Variants in TMCO4 observed in about 807,000 individuals in gnomAD.
The protein encoded by TMCO4 is transmembrane and coiled-coil domains 4.
Under a neutral mutation model 64.7 loss-of-function variants are expected in TMCO4, and 58 were observed. That is an observed-to-expected ratio of 0.90 (90% CI 0.73 to 1.12). The LOEUF (loss-of-function observed/expected upper bound fraction) is 1.12, where lower values mean the gene tolerates loss of function less well. TMCO4 is among the 50% of genes most tolerant of loss of function. The pLI is 0.00. For missense variants in TMCO4, 780 were observed against 825.9 expected, an observed-to-expected ratio of 0.94 and a Z score of 0.68; for synonymous variants, 325 against 346.1, an observed-to-expected ratio of 0.94 and a Z score of 0.68.
chr1:19,756,353 G>C (rs961672699), intron 6 of TMCO4, among the ~76,000 whole-genome samples: 10 of 152,146 alleles, frequency 6.6e-5, no homozygotes, highest in Non-Finnish European at 1.0e-4. Flanking sequence ...GATGCCCAAA[G>C]ACATTGCTGG....
intron 4 of TMCO4, among the ~76,000 whole-genome samples, chr1:19,772,190 G>T (rs1237450595): frequency 6.6e-6 from 1 of 152,094 alleles, no homozygotes; most frequent in Non-Finnish European, 1.5e-5. Context: ...CAGAGGTGGA[G>T]ATCAGTTCAG....
At chr1:19,759,423 T>C (rs1232679786) in intron 6 of TMCO4, among the ~76,000 whole-genome samples, 1 of 152,216 alleles carries the variant, frequency 6.6e-6, no homozygotes, top group Non-Finnish European at 1.5e-5. Context: ...GTTCTCTCCC[T>C]GGCTTAGAGC....
chr1:19,794,588 C>T (rs74058659), intron 2 of TMCO4, among the ~76,000 whole-genome samples: 2 of 152,176 alleles, frequency 1.3e-5, no homozygotes, highest in African/African-American at 4.8e-5. Context: ...ACAGGGGGGA[C>T]CCCTCAATAC....
At chr1:19,748,934 C>T (rs564081182) in intron 7 of TMCO4, among the ~76,000 whole-genome samples, 21 of 152,278 alleles carry the variant, frequency 1.4e-4, no homozygotes, top group African/African-American at 4.3e-4. Flanking sequence ...GTTCCCTGCC[C>T]GTTCACCTCA....
chr1:19,745,591 T>C lies in TMCO4; in HGVS notation c.818A>G (p.Glu273Gly). The part of the protein sequence containing the change: ...IEEFTFLPLT[E>G]GRQLHITIAV... ...GATGGTGATGTGCAGCTGCCTGCCC[T>C]CCGTCAGAGGCAGAAACGTGAACTC... is the stretch of plus-strand genomic sequence containing the variant. The change falls in exon 10 of 16, where the codon GAG becomes GGG. Residue 273 changes from glutamate (E) to glycine (G), a missense_variant. Transcript: ENST00000294543. 6.2e-7 allele frequency: 1 copy of C among 1,614,096 alleles called. No individual in the cohort carries two copies. The highest frequency in any genetic ancestry group is 8.5e-7 in the Non-Finnish European group (1 of 1,180,010).
At chr1:19,780,508 A>G (rs1282937157) in intron 4 of TMCO4, 72 bp downstream of exon 4, 16 of 1,505,002 alleles carry the variant, frequency 1.1e-5, no homozygotes, top group African/African-American at 1.4e-5. Context: ...CGTGCCTGGC[A>G]GGCTGTTTGG....
intron 6 of TMCO4, among the ~76,000 whole-genome samples, chr1:19,765,688 G>A (rs1047966334): frequency 2.6e-5 from 4 of 151,956 alleles, no homozygotes; most frequent in Non-Finnish European, 4.4e-5. Context: ...CGCTTCGTGG[G>A]TTGCTACTAG....
At chr1:19,689,754 G>A (rs2095177359) in intron 15 of TMCO4, among the ~76,000 whole-genome samples, 1 of 152,190 alleles carries the variant, frequency 6.6e-6, no homozygotes, top group African/African-American at 2.4e-5. Context: ...AGACTCCTGG[G>A]GTGCTGAGGC....
intron 12 of TMCO4, among the ~76,000 whole-genome samples, chr1:19,738,034 G>T (rs184289568): frequency 3.3e-5 from 5 of 152,258 alleles, no homozygotes; most frequent in Non-Finnish European, 5.9e-5. Context: ...GTAAGAAAAG[G>T]TAACTGATCA....
At position 19,745,534 on chromosome 1, in the gene TMCO4, T is replaced by C. The variant is rs2041733243; in HGVS notation, c.875A>G (p.Tyr292Cys). 6.2e-7 allele frequency: 1 copy of C among 1,613,908 alleles called. No individual in the cohort carries two copies. Among genetic ancestry groups the C allele is most frequent in the South Asian group, 1.1e-5 (1 of 91,072 alleles). ...CTTCTGGTCCTCCTGGTCCTCACGG[T>C]ATTTGCCAGAAGCGAGCCACCCCGT... ...AVTGWLASGK[Y>C]RTFSAPWAAL... Residue 292 changes from tyrosine to cysteine, a missense_variant and splice_region_variant, in exon 10 of 16, where the codon TAC becomes TGC. Coordinates refer to ENST00000294543, the MANE Select transcript of TMCO4 (RefSeq NM_181719.7).
At chr1:19,689,217 CAGG>C (rs1018634248) in intron 15 of TMCO4, among the ~76,000 whole-genome samples, 1 of 152,230 alleles carries the variant, frequency 6.6e-6, no homozygotes, top group African/African-American at 2.4e-5. Flanking sequence ...TCAAGGAAAA[CAGG>C]AGGCCAGCAC....
intron 4 of TMCO4, among the ~76,000 whole-genome samples, chr1:19,776,309 C>CT (rs2101047521): frequency 6.6e-6 from 1 of 152,350 alleles, no homozygotes. Flanking sequence ...GAAGGAAACA[C>CT]TCCACGGCAA....
chr1:19,702,603 G>C (rs2095280523), intron 13 of TMCO4, among the ~76,000 whole-genome samples: 1 of 151,662 alleles, frequency 6.6e-6, no homozygotes, highest in African/African-American at 2.4e-5. Flanking sequence ...CAAAAAGAAA[G>C]AAAATTTAGC....
intron 13 of TMCO4, among the ~76,000 whole-genome samples, chr1:19,715,838 C>T (rs1257623821): frequency 6.6e-6 from 1 of 152,216 alleles, no homozygotes; most frequent in African/African-American, 2.4e-5. Context: ...CAGAACCCTA[C>T]CCCAAGAGCT....
intron 6 of TMCO4, among the ~76,000 whole-genome samples, chr1:19,769,566 T>C (rs1335059358): frequency 6.6e-6 from 1 of 152,238 alleles, no homozygotes; most frequent in Non-Finnish European, 1.5e-5. Context: ...TGGAGGATGC[T>C]GGCAATTTCT....
At chr1:19,723,233 T>A (rs1382664960) in intron 13 of TMCO4, among the ~76,000 whole-genome samples, 1 of 152,204 alleles carries the variant, frequency 6.6e-6, no homozygotes, top group Non-Finnish European at 1.5e-5. Context: ...TTCCTCGGAG[T>A]ATCATGTTGC....
At chr1:19,752,147 T>G (rs942274405) in intron 7 of TMCO4, among the ~76,000 whole-genome samples, 1 of 152,206 alleles carries the variant, frequency 6.6e-6, no homozygotes, top group Non-Finnish European at 1.5e-5. Flanking sequence ...GTTGTCTGAT[T>G]GAATCTCAAC....
At chr1:19,795,258 G>C (rs1225084418) in intron 2 of TMCO4, among the ~76,000 whole-genome samples, 1 of 151,972 alleles carries the variant, frequency 6.6e-6, no homozygotes, top group African/African-American at 2.4e-5. Flanking sequence ...ATCACCTGAG[G>C]TCAGGAGTTC....
rs1471525500 is a variant in TMCO4 at position 19,743,004 on chromosome 1, C to T, written c.878-2063G>A. On this transcript the variant is annotated intron_variant, in intron 10 of 15. Transcript: ENST00000294543. This position sits in a 1 kb window ranked among gnomAD's most constrained non-coding sequence, Gnocchi z 4.1. The stretch of plus-strand genomic sequence containing the variant: ...GGCGGAGGTTGCAGTGAGCCAAGAT[C>T]GCGCCACTGCACTCCAGCCTGGTGA... Among the ~76,000 whole-genome samples the T allele has an allele frequency of 6.6e-6, 1 of 151,994 alleles. No homozygotes were observed. Among genetic ancestry groups the T allele is most frequent in the African/African-American group, 2.4e-5 (1 of 41,358 alleles).
Sources: gnomAD v4.1 joint callset for allele counts (sites outside exome capture counted in the v4.1 genomes callset) on GRCh38, gnomAD v4.1.1 for gene constraint, Gnocchi (gnomAD v3.1) non-coding constraint, MANE v1.5 for transcripts, NCBI Gene and HGNC (gene_info 2026-07-23, HGNC 2026-07-21) for gene names.